Variants in PSD2 observed in about 807,000 individuals in gnomAD.
PSD2 encodes the protein PH and SEC7 domain-containing protein 2.
A neutral mutation model predicts 69.8 loss-of-function variants in PSD2; 38 were observed. That is an observed-to-expected ratio of 0.54 (90% CI 0.42 to 0.71). The LOEUF (loss-of-function observed/expected upper bound fraction) is 0.71, where lower values mean the gene tolerates loss of function less well. Among genes scored for constraint, PSD2 ranks in the 30% least tolerant of loss-of-function variants. The probability of loss-of-function intolerance (pLI) is 0.00; values close to 1 mark genes in which losing one functional copy is unlikely to be tolerated. For missense variants in PSD2, 943 were observed against 1,014.5 expected, an observed-to-expected ratio of 0.93 and a Z score of 0.96; for synonymous variants, 412 against 423.0, an observed-to-expected ratio of 0.97 and a Z score of 0.32.
intron 5 of PSD2, 48 bp downstream of exon 5, chr5:139,817,609 C>T (rs1481678451): frequency 7.0e-7 from 1 of 1,435,544 alleles, no homozygotes; most frequent in Non-Finnish European, 9.8e-7. Context: ...ACAGGCTGCA[C>T]TTCTGGATTC....
In PSD2 at chr5:139,842,745, C is replaced by T; in HGVS notation, c.*271C>T. On this transcript the variant is annotated 3_prime_UTR_variant, in exon 15 of 15. Transcript: ENST00000274710. Reference sequence around the variant, plus strand: ...ATTTTGTAGGCCAGTTGTGTGCATGCTCTAGACACCACCTCGCTGGAGAAG... The same window carrying T: ...ATTTTGTAGGCCAGTTGTGTGCATGTTCTAGACACCACCTCGCTGGAGAAG... 1 of 423,242 alleles carries T rather than the reference C, an allele frequency of 2.4e-6. No individual in the cohort carries two copies. The highest frequency in any genetic ancestry group is 4.2e-5 in the South Asian group (1 of 23,792). The allele number at this position is 423,242 out of a possible 1,614,324, so 26.2% of individuals were successfully genotyped here. A position where few individuals can be genotyped will look rare whatever the true frequency, so the allele number is the denominator to read the frequency against.
chr5:139,787,978 G>T, the PSD2 span, among the ~76,000 whole-genome samples: 1,062 of 152,336 alleles, frequency 7.0e-3, 9 homozygotes, highest in Non-Finnish European at 7.1e-3. Flanking sequence ...GAGTGCCTGC[G>T]GCTGAACTCG....
At chr5:139,820,597 C>T (rs1416172854) in intron 5 of PSD2, among the ~76,000 whole-genome samples, 1 of 152,018 alleles carries the variant, frequency 6.6e-6, no homozygotes, top group Non-Finnish European at 1.5e-5. Context: ...GCATTCTGGG[C>T]CAAAACGAAA....
the PSD2 span, among the ~76,000 whole-genome samples, chr5:139,765,623 A>G: frequency 1.3e-5 from 2 of 152,216 alleles, no homozygotes; most frequent in African/African-American, 4.8e-5. Flanking sequence ...CAGTGCTCGC[A>G]GCGGCCAGGA....
chr5:139,833,389 G>A (rs1384879109), intron 7 of PSD2, among the ~76,000 whole-genome samples: 1 of 152,058 alleles, frequency 6.6e-6, no homozygotes, highest in Non-Finnish European at 1.5e-5. Flanking sequence ...ATAAGATAAT[G>A]CATGTCAAGC....
At chr5:139,806,965 C>T (rs1025187567) in intron 1 of PSD2, among the ~76,000 whole-genome samples, 1 of 152,208 alleles carries the variant, frequency 6.6e-6, no homozygotes, top group African/African-American at 2.4e-5. Flanking sequence ...CCGCTCCCAG[C>T]TAAAGGAGGA....
At chr5:139,753,258 G>C in the PSD2 span, among the ~76,000 whole-genome samples, 2 of 152,190 alleles carry the variant, frequency 1.3e-5, no homozygotes, top group Non-Finnish European at 2.9e-5. Context: ...CCAGTGAGCT[G>C]GGGCTGCAGG....
At chr5:139,789,992 G>GC in the PSD2 span, among the ~76,000 whole-genome samples, 5 of 148,494 alleles carry the variant, frequency 3.4e-5, no homozygotes, top group South Asian at 2.1e-4. Context: ...GCAGCACGGG[G>GC]CCGGGCGGGC....
chr5:139,835,628 A>G, intron 8 of PSD2, 95 bp from the exon 9 acceptor site: 1 of 1,283,220 alleles, frequency 7.8e-7, no homozygotes, highest in Non-Finnish European at 1.1e-6. Flanking sequence ...TTGGCTGAAA[A>G]GGTGCTCCCT....
chr5:139,828,438 G>A (rs892329775), intron 7 of PSD2, among the ~76,000 whole-genome samples: 1 of 152,232 alleles, frequency 6.6e-6, no homozygotes, highest in Non-Finnish European at 1.5e-5. Context: ...GGGCTGGATG[G>A]TGGAGGGCTG....
chr5:139,805,760 G>A (rs1179059653), intron 1 of PSD2, among the ~76,000 whole-genome samples: 6 of 152,188 alleles, frequency 3.9e-5, no homozygotes, highest in African/African-American at 1.4e-4. Context: ...TGAACTCAGG[G>A]AGCGGAAAGA....
At chr5:139,836,717 C>T in intron 9 of PSD2, 94 bp from the exon 10 acceptor site, 3 of 1,124,040 alleles carry the variant, frequency 2.7e-6, no homozygotes, top group Non-Finnish European at 3.9e-6. Context: ...CTCCATGACC[C>T]TGGCTCCTGG....
chr5:139,815,813 G>A (rs1311000554), intron 4 of PSD2, among the ~76,000 whole-genome samples: 3 of 151,948 alleles, frequency 2.0e-5, no homozygotes, highest in Non-Finnish European at 2.9e-5. Context: ...GGCCAATATG[G>A]GGAAACCCTG....
chr5:139,791,266 C>T (rs142795945), upstream of PSD2, among the ~76,000 whole-genome samples: 346 of 152,062 alleles, frequency 2.3e-3, no homozygotes, highest in Middle Eastern at 0.01. Flanking sequence ...TCCATCTCTA[C>T]AAAAAATATA....
At chr5:139,784,840 C>T in the PSD2 span, among the ~76,000 whole-genome samples, 2 of 152,084 alleles carry the variant, frequency 1.3e-5, no homozygotes, top group Non-Finnish European at 2.9e-5. Context: ...CTGCAACCTC[C>T]GCCTCCTGGG....
intron 1 of PSD2, among the ~76,000 whole-genome samples, chr5:139,797,267 T>G (rs1393382255): frequency 6.6e-6 from 1 of 152,242 alleles, no homozygotes; most frequent in Non-Finnish European, 1.5e-5. Context: ...GTGGGGCTAC[T>G]GCAAAGTTTG....
chr5:139,753,829 TG>T, the PSD2 span, among the ~76,000 whole-genome samples: 2 of 151,050 alleles, frequency 1.3e-5, no homozygotes, highest in African/African-American at 4.9e-5. Flanking sequence ...TTTTTTTTTT[TG>T]TTTGTTTGTT....
chr5:139,755,078 T>A, the PSD2 span, among the ~76,000 whole-genome samples: 1 of 152,182 alleles, frequency 6.6e-6, no homozygotes, highest in Non-Finnish European at 1.5e-5. Flanking sequence ...GAACCCCATT[T>A]TATAGACGAA....
the PSD2 span, among the ~76,000 whole-genome samples, chr5:139,784,408 C>T: frequency 6.6e-6 from 1 of 152,180 alleles, no homozygotes; most frequent in South Asian, 2.1e-4. Context: ...ATTGACATCT[C>T]GATGGCCTCC....
Sources: gnomAD v4.1 joint callset for allele counts (sites outside exome capture counted in the v4.1 genomes callset) on GRCh38, gnomAD v4.1.1 for gene constraint, MANE v1.5 for transcripts, NCBI Gene and HGNC (gene_info 2026-07-23, HGNC 2026-07-21) for gene names.